CAST: variants seen among roughly 807,000 people sequenced by gnomAD.
The protein encoded by CAST is MIR583 host.
Under a neutral mutation model 119.6 loss-of-function variants are expected in CAST, and 76 were observed. The observed-to-expected ratio is 0.64, with a 90% confidence interval of 0.53 to 0.77. The LOEUF (loss-of-function observed/expected upper bound fraction) is 0.77, where lower values mean the gene tolerates loss of function less well. Ranked by LOEUF, CAST falls within the 30% of genes least tolerant of loss-of-function variation. CAST has a pLI of 0.00. For missense variants in CAST, 953 were observed against 946.5 expected, an observed-to-expected ratio of 1.01 and a Z score of -0.09; for synonymous variants, 319 against 331.6, an observed-to-expected ratio of 0.96 and a Z score of 0.41.
chr5:96,562,871 C>T (rs1451914213), intron 1 of CAST, among the ~76,000 whole-genome samples: 2 of 152,104 alleles, frequency 1.3e-5, no homozygotes, highest in Non-Finnish European at 2.9e-5. Context: ...GATATACTAC[C>T]CCAAAATATT....
chr5:96,090,108 G>T, the CAST span, among the ~76,000 whole-genome samples: 1 of 152,128 alleles, frequency 6.6e-6, no homozygotes, highest in East Asian at 1.9e-4. Flanking sequence ...TCCCTAGCAC[G>T]ATGCCTAGGC....
At chr5:96,036,443 T>A in the CAST span, among the ~76,000 whole-genome samples, 1 of 152,254 alleles carries the variant, frequency 6.6e-6, no homozygotes, top group East Asian at 1.9e-4. Flanking sequence ...ACCAGTGAAG[T>A]CTGAATCATT....
chr5:96,274,739 G>A, the CAST span, among the ~76,000 whole-genome samples: 1 of 152,262 alleles, frequency 6.6e-6, no homozygotes, highest in South Asian at 2.1e-4. Flanking sequence ...TGGTCAAACC[G>A]CTAGGCTCCC....
the CAST span, among the ~76,000 whole-genome samples, chr5:96,112,676 T>C: frequency 6.6e-6 from 1 of 152,140 alleles, no homozygotes; most frequent in Non-Finnish European, 1.5e-5. Context: ...CATTGTTAAG[T>C]TGAAAATATT....
chr5:95,996,811 G>C, the CAST span, among the ~76,000 whole-genome samples: 1 of 151,960 alleles, frequency 6.6e-6, no homozygotes, highest in African/African-American at 2.4e-5. Context: ...GGATGCACAT[G>C]GTCCATAGAT....
the CAST span, among the ~76,000 whole-genome samples, chr5:96,216,362 C>T: frequency 4.6e-5 from 7 of 152,222 alleles, no homozygotes; most frequent in East Asian, 1.9e-4. Context: ...CAACCTCACA[C>T]GGGTAAGTAA....
the CAST span, among the ~76,000 whole-genome samples, chr5:96,169,579 C>T: frequency 6.6e-6 from 1 of 152,250 alleles, no homozygotes; most frequent in Non-Finnish European, 1.5e-5. Context: ...CATGCTGTAG[C>T]AGGCGAGTGA....
chr5:96,152,505 G>A, the CAST span, among the ~76,000 whole-genome samples: 1 of 152,168 alleles, frequency 6.6e-6, no homozygotes, highest in Non-Finnish European at 1.5e-5. Flanking sequence ...CTGACTGAGA[G>A]CCCCTGCTTT....
chr5:96,369,459 C>G, the CAST span, among the ~76,000 whole-genome samples: 1 of 152,154 alleles, frequency 6.6e-6, no homozygotes, highest in Non-Finnish European at 1.5e-5. Context: ...TTAGCTGCCT[C>G]TTGGTATTTA....
chr5:96,416,036 C>A, the CAST span: 1 of 1,601,034 alleles, frequency 6.2e-7, no homozygotes, highest in Non-Finnish European at 8.6e-7. Flanking sequence ...GTTTTACCTC[C>A]AACTTTGGAA....
the CAST span, among the ~76,000 whole-genome samples, chr5:96,180,422 C>T: frequency 9.2e-5 from 14 of 152,154 alleles, no homozygotes; most frequent in Non-Finnish European, 1.5e-4. Context: ...ATCTCTGGGA[C>T]CATATGTAGA....
chr5:96,051,479 G>A, the CAST span, among the ~76,000 whole-genome samples: 1 of 152,152 alleles, frequency 6.6e-6, no homozygotes, highest in Non-Finnish European at 1.5e-5. Flanking sequence ...GGGGCTGGGG[G>A]TAACTGCCAG....
the CAST span, among the ~76,000 whole-genome samples, chr5:96,183,013 C>A: frequency 6.6e-6 from 1 of 151,982 alleles, no homozygotes; most frequent in South Asian, 2.1e-4. Flanking sequence ...GTGGCAGGCG[C>A]CTGTAGTCCC....
chr5:96,228,958 A>G, the CAST span, among the ~76,000 whole-genome samples: 1 of 152,132 alleles, frequency 6.6e-6, no homozygotes, highest in Non-Finnish European at 1.5e-5. Flanking sequence ...TGGATTTACC[A>G]ATTATTTTTG....
the CAST span, among the ~76,000 whole-genome samples, chr5:96,228,730 T>A: frequency 6.6e-6 from 1 of 152,218 alleles, no homozygotes; most frequent in Non-Finnish European, 1.5e-5. Flanking sequence ...GGGAGTTTAA[T>A]GTGTCAGCAT....
intron 1 of CAST, among the ~76,000 whole-genome samples, chr5:96,645,702 G>A (rs1441454523): frequency 6.6e-6 from 1 of 151,726 alleles, no homozygotes. Flanking sequence ...ATATTAATTA[G>A]TGGGAAAACG....
At chr5:95,977,212 T>G in the CAST span, among the ~76,000 whole-genome samples, 3 of 152,236 alleles carry the variant, frequency 2.0e-5, no homozygotes, top group Non-Finnish European at 4.4e-5. Context: ...CTGACAGTTG[T>G]GGAGGCTAGG....
rs1203431648 is a variant in CAST at position 96,694,272 on chromosome 5, G to A, written c.139-1564G>A. Among the ~76,000 whole-genome samples the A allele has an allele frequency of 3.3e-5, 5 of 152,018 alleles. No homozygotes were observed. The East Asian group carries it at 9.6e-4, about 29-fold the overall frequency. On this transcript the variant is annotated intron_variant, in intron 2 of 31. Coordinates refer to ENST00000675179, the MANE Select transcript of CAST (RefSeq NM_001750.7). ...GCTAATTTATGCATTATCTTGCCTT[G>A]TGTATTCAATATTTACAGTACATTA...
chr5:96,684,658 G>A (rs1179387143), intron 2 of CAST, among the ~76,000 whole-genome samples: 1 of 151,890 alleles, frequency 6.6e-6, no homozygotes, highest in Non-Finnish European at 1.5e-5. Flanking sequence ...TGCCTCCTGG[G>A]TTCAAGCGAT....
Sources: gnomAD v4.1 joint callset for allele counts (sites outside exome capture counted in the v4.1 genomes callset) on GRCh38, gnomAD v4.1.1 for gene constraint, MANE v1.5 for transcripts, NCBI Gene and HGNC (gene_info 2026-07-23, HGNC 2026-07-21) for gene names.